Variants in FAAH2 observed in about 807,000 individuals in gnomAD.
FAAH2 encodes fatty acid amide hydrolase 2.
FAAH2 carries 60 observed loss-of-function variants against 36.9 expected under a neutral mutation model. The observed-to-expected ratio is 1.63, with a 90% CI of 1.32 to 2.02. The LOEUF is 2.02. FAAH2 is among the 30% of genes most tolerant of loss of function. FAAH2 has a pLI of 0.00. For missense variants in FAAH2, 689 were observed against 397.5 expected, an observed-to-expected ratio of 1.73 and a Z score of -6.23; for synonymous variants, 214 against 143.8, an observed-to-expected ratio of 1.49 and a Z score of -3.49.
chrX:57,363,771 T>G (rs1406371036), intron 5 of FAAH2, among the ~76,000 whole-genome samples: 1 of 111,223 alleles, frequency 9.0e-6, no homozygotes. Context: ...TTTTTAACAT[T>G]GGAGGTATGA....
chrX:57,394,172 G>A, intron 7 of FAAH2: 1 of 649,961 alleles, frequency 1.5e-6, no homozygotes, highest in Non-Finnish European at 2.6e-6. Flanking sequence ...GCCGCCTCCT[G>A]CAACACCACC....
At chrX:57,430,240 G>A (rs1250551491) in intron 7 of FAAH2, among the ~76,000 whole-genome samples, 2 of 111,845 alleles carry the variant, frequency 1.8e-5, no homozygotes, top group Non-Finnish European at 3.8e-5. Flanking sequence ...CCACTATTCT[G>A]ATTGTAGACT....
the FAAH2 span, among the ~76,000 whole-genome samples, chrX:57,157,796 T>A: frequency 9.0e-6 from 1 of 111,651 alleles, no homozygotes; most frequent in Non-Finnish European, 1.9e-5. Context: ...TAAGCCAATT[T>A]GCTCAGTTTA....
At chrX:57,257,605 T>A in the FAAH2 span, among the ~76,000 whole-genome samples, 1 of 110,408 alleles carries the variant, frequency 9.1e-6, no homozygotes, top group Non-Finnish European at 1.9e-5. Context: ...GACGGGTTGA[T>A]GGGTGCAGCA....
the FAAH2 span, among the ~76,000 whole-genome samples, chrX:57,144,100 A>G: frequency 1.8e-5 from 2 of 111,901 alleles, no homozygotes; most frequent in Non-Finnish European, 3.8e-5. Context: ...CTCAGCTTTC[A>G]GTTTTTTCCT....
At chrX:57,250,812 G>A in the FAAH2 span, among the ~76,000 whole-genome samples, 2 of 109,804 alleles carry the variant, frequency 1.8e-5, no homozygotes, top group African/African-American at 6.6e-5. Context: ...GAATCATGAA[G>A]AAATAGAAAA....
the FAAH2 span, among the ~76,000 whole-genome samples, chrX:57,152,182 G>T: frequency 8.9e-6 from 1 of 112,162 alleles, no homozygotes; most frequent in African/African-American, 3.2e-5. Context: ...TGCCCCTACT[G>T]GGGGGTACCT....
chrX:57,486,200 C>G (rs1360945188), intron 10 of FAAH2, among the ~76,000 whole-genome samples: 2 of 111,759 alleles, frequency 1.8e-5, no homozygotes, highest in Non-Finnish European at 3.8e-5. Context: ...TCGAGGAGGT[C>G]TCTGGGGTTA....
chrX:57,381,660 C>A (rs768269516), intron 7 of FAAH2: 1 of 185,786 alleles, frequency 5.4e-6, no homozygotes, highest in Non-Finnish European at 8.4e-6. Context: ...AATACAGGAG[C>A]ACCCAGATTC....
chrX:57,423,380 C>T (rs1214737506), intron 7 of FAAH2, among the ~76,000 whole-genome samples: 2 of 111,366 alleles, frequency 1.8e-5, no homozygotes, highest in Non-Finnish European at 3.8e-5. Flanking sequence ...CTTGGCAGGA[C>T]TAGACCAGCA....
chrX:57,300,933 A>C (rs1278309812), intron 2 of FAAH2, among the ~76,000 whole-genome samples: 2 of 112,023 alleles, frequency 1.8e-5, no homozygotes, highest in African/African-American at 6.5e-5. Flanking sequence ...CACCAGTTAG[A>C]ATGGTGATCA....
upstream of FAAH2, among the ~76,000 whole-genome samples, chrX:57,285,762 C>T (rs1001088884): frequency 2.7e-5 from 3 of 111,930 alleles, no homozygotes; most frequent in African/African-American, 9.7e-5. Flanking sequence ...GAGTCGAATG[C>T]TGGACAAAGT....
intron 7 of FAAH2, among the ~76,000 whole-genome samples, chrX:57,409,925 T>C (rs2055658878): frequency 9.0e-6 from 1 of 110,886 alleles, no homozygotes; most frequent in East Asian, 2.8e-4. Flanking sequence ...TACTTTGGGC[T>C]TATTTTGGCC....
chrX:57,456,119 G>A (rs1380081195), intron 10 of FAAH2, among the ~76,000 whole-genome samples: 1 of 111,831 alleles, frequency 8.9e-6, no homozygotes, highest in Admixed American at 9.5e-5. Flanking sequence ...AGACCATAGT[G>A]CAATAAAAGC....
rs2053417909 is a variant in FAAH2 at position 57,331,861 on chromosome X, T to A, written c.622+54T>A. On this transcript the variant is annotated intron_variant, in intron 4 of 10. Transcript: ENST00000374900. ...ATAGCTATGCTAACAATAATAATTA[T>A]GAATTGTATTAATAAACATGATACA... is the stretch of plus-strand genomic sequence containing the variant. The A allele has an allele frequency of 3.7e-6, 4 of 1,073,130 alleles. No homozygotes were observed. The Admixed American group carries it at 8.9e-5, about 24-fold the overall frequency. 88.4% of individuals were successfully genotyped at this position (1,073,130 alleles called of 1,213,427 possible).
chrX:57,193,439 C>A, the FAAH2 span, among the ~76,000 whole-genome samples: 2 of 111,993 alleles, frequency 1.8e-5, no homozygotes, highest in Non-Finnish European at 3.8e-5. Context: ...TGTGATCTCA[C>A]CCTGCCTCCA....
chrX:57,250,242 G>A, the FAAH2 span, among the ~76,000 whole-genome samples: 2 of 111,893 alleles, frequency 1.8e-5, no homozygotes, highest in Non-Finnish European at 3.8e-5. Flanking sequence ...AAGAACATCT[G>A]TAAGGGATCA....
chrX:57,240,456 C>T, the FAAH2 span, among the ~76,000 whole-genome samples: 1 of 111,396 alleles, frequency 9.0e-6, no homozygotes, highest in African/African-American at 3.3e-5. Flanking sequence ...GGAGTGCTGG[C>T]GAAAGTGATT....
At chrX:57,449,096 C>A (rs1426201949) in intron 10 of FAAH2, among the ~76,000 whole-genome samples, 1 of 111,845 alleles carries the variant, frequency 8.9e-6, no homozygotes, top group Non-Finnish European at 1.9e-5. Context: ...GATTCTTGTA[C>A]AGAAGACAAT....
Sources: allele counts gnomAD v4.1 joint callset (sites outside exome capture counted in the v4.1 genomes callset), GRCh38; gene constraint gnomAD v4.1.1; transcripts MANE v1.5; gene names NCBI Gene and HGNC (gene_info 2026-07-23, HGNC 2026-07-21).